PTP4A1: variants seen among roughly 807,000 people sequenced by gnomAD.
PTP4A1 encodes the protein protein tyrosine phosphatase type IVA 1.
A neutral mutation model predicts 20.5 loss-of-function variants in PTP4A1; 9 were observed. The observed-to-expected ratio is 0.44, with a 90% confidence interval of 0.26 to 0.77. The LOEUF is 0.77. Among genes scored for constraint, PTP4A1 ranks in the 30% least tolerant of loss-of-function variants. The probability of loss-of-function intolerance (pLI) is 0.19; values close to 1 mark genes in which losing one functional copy is unlikely to be tolerated. For missense variants in PTP4A1, 137 were observed against 218.8 expected, an observed-to-expected ratio of 0.63 and a Z score of 2.36; for synonymous variants, 78 against 67.4, an observed-to-expected ratio of 1.16 and a Z score of -0.77.
chr6:63,526,507 AT>A, intron 1 of PTP4A1, among the ~76,000 whole-genome samples: 1 of 149,832 alleles, frequency 6.7e-6, no homozygotes. Context: ...GAACAAAAAT[AT>A]TTTTTTAAAA....
chr6:63,568,717 T>C (rs757050255), upstream of PTP4A1, among the ~76,000 whole-genome samples: 1 of 151,912 alleles, frequency 6.6e-6, no homozygotes, highest in South Asian at 2.1e-4. Flanking sequence ...GTATACTACA[T>C]ATTTATTTTT....
chr6:63,537,770 T>C (rs535719983), intron 2 of PTP4A1, among the ~76,000 whole-genome samples: 1 of 152,294 alleles, frequency 6.6e-6, no homozygotes, highest in African/African-American at 2.4e-5. Flanking sequence ...GTTTAATTTG[T>C]GTTTACATGG....
At chr6:63,570,727 G>A (rs558753002), upstream of PTP4A1, among the ~76,000 whole-genome samples, 1 of 152,346 alleles carries the variant, frequency 6.6e-6, no homozygotes, top group Admixed American at 6.5e-5. Context: ...AACTTGTGGA[G>A]TAAGAGTGGC....
At chr6:63,520,630 C>T (rs1022928659), upstream of PTP4A1, among the ~76,000 whole-genome samples, 29 of 139,078 alleles carry the variant, frequency 2.1e-4, no homozygotes, top group Non-Finnish European at 3.2e-4. Flanking sequence ...GACTCTGTCT[C>T]AAATAAATAA....
chr6:63,539,263 T>C (rs537958979), intron 2 of PTP4A1, among the ~76,000 whole-genome samples: 110 of 152,268 alleles, frequency 7.2e-4, no homozygotes, highest in Admixed American at 2.4e-3. Flanking sequence ...ACATAACATG[T>C]AATATTAACA....
chr6:63,529,024 G>A (rs1320054426), intron 2 of PTP4A1, among the ~76,000 whole-genome samples: 1 of 151,262 alleles, frequency 6.6e-6, no homozygotes, highest in African/African-American at 2.4e-5. Flanking sequence ...GGGAGGCAGA[G>A]GTTACAGTGA....
chr6:63,523,370 T>C (rs1192088530), intron 1 of PTP4A1, among the ~76,000 whole-genome samples: 1 of 151,998 alleles, frequency 6.6e-6, no homozygotes, highest in Non-Finnish European at 1.5e-5. Flanking sequence ...CTGTCTCTAC[T>C]AGAAAACACA....
chr6:63,527,414 CAAAT>C (rs1183484793), intron 1 of PTP4A1, among the ~76,000 whole-genome samples: 5 of 152,144 alleles, frequency 3.3e-5, no homozygotes, highest in Admixed American at 6.6e-5. Context: ...AAGGACCTAA[CAAAT>C]AGTCATCTAC....
chr6:63,559,757 A>C (rs964914102), intron 3 of PTP4A1, among the ~76,000 whole-genome samples: 1 of 152,010 alleles, frequency 6.6e-6, no homozygotes, highest in Non-Finnish European at 1.5e-5. Flanking sequence ...AAGAGGAAAA[A>C]AAAAATGAAT....
Position 63,549,661 on chromosome 6 carries a change from C to T in PTP4A1, c.-639-639C>T, listed in dbSNP as rs557538880. On this transcript the variant is annotated intron_variant, in intron 2 of 3. Transcript: ENST00000639568. ...TGGAATCCTGTCATTGGCAGTAACA[C>T]GGATAGAACTGGAGGACATTATGTT... is the stretch of plus-strand genomic sequence containing the variant. Among the ~76,000 whole-genome samples, 9 of 151,320 alleles carry T rather than the reference C, an allele frequency of 5.9e-5. No individual in the cohort carries two copies. In the East Asian group the frequency reaches 1.7e-3, roughly 29 times the overall value.
chr6:63,565,353 T>C (rs1777147636), intron 3 of PTP4A1, among the ~76,000 whole-genome samples: 1 of 152,150 alleles, frequency 6.6e-6, no homozygotes, highest in Admixed American at 6.5e-5. Flanking sequence ...CTTTCAGGTT[T>C]ATATTTAAAT....
chr6:63,577,322 C>G (rs1443453432), intron 2 of PTP4A1, among the ~76,000 whole-genome samples: 2 of 152,128 alleles, frequency 1.3e-5, no homozygotes, highest in Non-Finnish European at 2.9e-5. Flanking sequence ...TGACTAATGC[C>G]ATAAACCAGT....
intron 1 of PTP4A1, among the ~76,000 whole-genome samples, chr6:63,522,640 A>G (rs1398740411): frequency 6.6e-6 from 1 of 152,188 alleles, no homozygotes; most frequent in Non-Finnish European, 1.5e-5. Context: ...GCCAGAAAAC[A>G]AATATTTGCT....
At chr6:63,562,221 CAG>C (rs1223102057) in intron 3 of PTP4A1, among the ~76,000 whole-genome samples, 4 of 131,006 alleles carry the variant, frequency 3.1e-5, no homozygotes, top group Non-Finnish European at 6.3e-5. Flanking sequence ...TTTTTTGAGA[CAG>C]AGTTTTGCTC....
intron 2 of PTP4A1, among the ~76,000 whole-genome samples, chr6:63,541,639 C>T (rs1245399036): frequency 4.6e-5 from 7 of 152,126 alleles, no homozygotes; most frequent in Non-Finnish European, 8.8e-5. Context: ...TCATCTATCA[C>T]CCCTTGATTG....
rs1778065021 is a variant in PTP4A1 at position 63,579,231 on chromosome 6, A to AT, written c.330-23dup. 3.2e-6 allele frequency: 5 copies of AT among 1,571,972 alleles called. No homozygotes were observed. In the East Asian group the frequency reaches 1.1e-4, roughly 36 times the overall value. ...ACAAAGATCTGATTTTGAAAAAACT[A>AT]TTTATCAAAATTCTTACCTCACCAG... On this transcript the variant is annotated intron_variant, in intron 4 of 5. Transcript: ENST00000626021.
upstream of PTP4A1, among the ~76,000 whole-genome samples, chr6:63,520,130 C>T (rs948240105): frequency 2.0e-5 from 3 of 152,208 alleles, no homozygotes; most frequent in African/African-American, 7.2e-5. Flanking sequence ...GCATATTACA[C>T]ACTGCTGTTG....
rs185113416 is a variant in PTP4A1 at position 63,578,551 on chromosome 6, T to C, written c.198+22T>C. On this transcript the variant is annotated intron_variant, in intron 3 of 5. Coordinates refer to ENST00000626021, the MANE Select transcript of PTP4A1 (RefSeq NM_003463.5). ...TCTTGTAAGTATTTAACAGTTCTTA[T>C]GGGTTTATGGTGCTGTGCTACAAAA... The C allele has an allele frequency of 1.1e-4, 171 of 1,603,790 alleles. No individual in the cohort carries two copies. In the East Asian group the frequency reaches 2.4e-3, roughly 23 times the overall value.
At chr6:63,545,174 C>A (rs925864896) in intron 2 of PTP4A1, among the ~76,000 whole-genome samples, 14 of 152,164 alleles carry the variant, frequency 9.2e-5, no homozygotes, top group Non-Finnish European at 1.6e-4. Flanking sequence ...CTGTTTCTAT[C>A]TTTTCTTATT....
Sources: gnomAD v4.1 joint callset for allele counts (sites outside exome capture counted in the v4.1 genomes callset) on GRCh38, gnomAD v4.1.1 for gene constraint, MANE v1.5 for transcripts, NCBI Gene and HGNC (gene_info 2026-07-23, HGNC 2026-07-21) for gene names.